CPED1: variants seen among roughly 807,000 people sequenced by gnomAD.
CPED1 encodes cadherin like and PC-esterase domain containing 1, also known as cadherin-like and PC-esterase domain-containing protein 1.
Under a neutral mutation model 128.2 loss-of-function variants are expected in CPED1, and 114 were observed. The ratio of observed to expected loss-of-function variants is 0.89; its 90% confidence interval spans 0.76 to 1.04. The LOEUF is 1.04. Ranked by LOEUF, CPED1 falls within the 50% of genes least tolerant of loss-of-function variation. The pLI, the probability that CPED1 is intolerant of heterozygous loss-of-function variation, is 0.00. For synonymous variants in CPED1, 462 were observed against 426.7 expected (o/e 1.08, Z -1.02); for missense variants, 1,211 against 1,207.1 (o/e 1.00, Z -0.05).
At chr7:121,178,405 T>G (rs926675869) in intron 16 of CPED1, among the ~76,000 whole-genome samples, 5 of 152,038 alleles carry the variant, frequency 3.3e-5, no homozygotes, top group Non-Finnish European at 5.9e-5. Context: ...GTTGTTGTTC[T>G]TGTTGTTGTT....
At chr7:121,208,029 C>T (rs555889059) in intron 16 of CPED1, among the ~76,000 whole-genome samples, 5 of 152,094 alleles carry the variant, frequency 3.3e-5, no homozygotes, top group African/African-American at 9.6e-5. Context: ...AACTCACTTT[C>T]CTACCTCTAG....
At chr7:121,206,437 G>A (rs1040876057) in intron 16 of CPED1, among the ~76,000 whole-genome samples, 7 of 131,198 alleles carry the variant, frequency 5.3e-5, no homozygotes, top group Non-Finnish European at 1.2e-4. Context: ...AACTTTTAAA[G>A]CACATTTCTA....
chr7:121,256,265 C>CA (rs1403092113), intron 18 of CPED1, among the ~76,000 whole-genome samples: 2 of 151,912 alleles, frequency 1.3e-5, no homozygotes, highest in Admixed American at 6.6e-5. Flanking sequence ...ATAGAAAACT[C>CA]AGAGATAAAG....
intron 5 of CPED1, among the ~76,000 whole-genome samples, chr7:121,073,454 C>A (rs947453562): frequency 1.3e-5 from 2 of 152,132 alleles, no homozygotes; most frequent in Admixed American, 1.3e-4. Context: ...ATCATAATTT[C>A]TGTCTGACTT....
intron 16 of CPED1, among the ~76,000 whole-genome samples, chr7:121,204,484 GACTT>G (rs1488714502): frequency 1.3e-5 from 2 of 152,118 alleles, no homozygotes; most frequent in Non-Finnish European, 2.9e-5. Flanking sequence ...CCATATGTCA[GACTT>G]TGTTCCTATG....
chr7:121,274,996 G>GA (rs907398319), intron 22 of CPED1, among the ~76,000 whole-genome samples: 1 of 152,028 alleles, frequency 6.6e-6, no homozygotes, highest in African/African-American at 2.4e-5. Flanking sequence ...AGCAAGAGTT[G>GA]AAAAAATTGT....
rs866672241 is a variant in CPED1 at position 121,295,610 on chromosome 7, A to T, written c.3039A>T (p.Glu1013Asp). The change falls in exon 23 of 23, where the codon GAA (glutamate) becomes GAT (aspartate). Residue 1013 changes from glutamate to aspartate, a missense_variant. By Grantham distance (45) the Glu-to-Asp change is conservative (BLOSUM62 2). Coordinates refer to ENST00000310396, the MANE Select transcript of CPED1 (RefSeq NM_024913.5). ...VRGPINQVCS[E>D]ILLSRMCANK... is the part of the protein sequence containing the mutation. ...GTCCAATAAATCAGGTTTGTTCTGA[A>T]ATCCTTCTCAGCAGGATGTGTGCAA... The T allele has an allele frequency of 1.9e-6, 3 of 1,614,076 alleles. No individual in the cohort carries two copies. The Middle Eastern group carries it at 5.0e-4, about 266-fold the overall frequency.
At chr7:120,993,156 C>G (rs1325837482) in intron 2 of CPED1, among the ~76,000 whole-genome samples, 2 of 152,186 alleles carry the variant, frequency 1.3e-5, no homozygotes, top group Non-Finnish European at 2.9e-5. Context: ...AATATATAAA[C>G]ACAGATGTGT....
At position 121,138,787 on chromosome 7, in the gene CPED1, C is replaced by A. The variant is rs148570489; in HGVS notation, c.1700-2040C>A. Reference sequence around the variant, plus strand: ...TCTGAGCAGAAAAGTGCGACTGTTTCTATTCCCTTTGTGCCTGGGTAATGG... The same window carrying A: ...TCTGAGCAGAAAAGTGCGACTGTTTATATTCCCTTTGTGCCTGGGTAATGG... On this transcript the variant is annotated intron_variant, in intron 14 of 22. Coordinates refer to ENST00000310396, the MANE Select transcript of CPED1 (RefSeq NM_024913.5). 6.7e-3 allele frequency among the ~76,000 whole-genome samples: 1,016 copies of A among 152,156 alleles called. 10 individuals carry two copies. The highest frequency in any genetic ancestry group is 0.023 in the African/African-American group (943 of 41,538).
intron 5 of CPED1, among the ~76,000 whole-genome samples, chr7:121,069,876 C>T (rs1793944730): frequency 6.6e-6 from 1 of 152,040 alleles, no homozygotes; most frequent in Non-Finnish European, 1.5e-5. Flanking sequence ...TACAGCATCG[C>T]CATCTAAAAA....
At chr7:121,093,516 C>T (rs1185678146) in intron 5 of CPED1, among the ~76,000 whole-genome samples, 1 of 151,876 alleles carries the variant, frequency 6.6e-6, no homozygotes, top group Non-Finnish European at 1.5e-5. Context: ...AGAGTTTGTG[C>T]TGAATATTCT....
chr7:121,228,103 T>C (rs1448264244), intron 16 of CPED1, among the ~76,000 whole-genome samples: 1 of 152,076 alleles, frequency 6.6e-6, no homozygotes. Context: ...AAATAATTTA[T>C]GATTAAGACT....
At chr7:121,261,629 CA>C in intron 18 of CPED1, 1 of 1,609,880 alleles carries the variant, frequency 6.2e-7, no homozygotes. Context: ...TTCCTTCCTT[CA>C]GTTGGGTGTC....
At chr7:121,083,882 A>G (rs1794354672) in intron 5 of CPED1, 1 of 152,234 alleles carries the variant, frequency 6.6e-6, no homozygotes. Context: ...AGGGTTGCTA[A>G]GAGGACAGAA....
At chr7:121,002,138 A>T (rs1260905821) in intron 2 of CPED1, among the ~76,000 whole-genome samples, 3 of 152,182 alleles carry the variant, frequency 2.0e-5, no homozygotes, top group Non-Finnish European at 2.9e-5. Context: ...GTGCTGCTAC[A>T]ATTGAGTTTC....
chr7:121,125,335 C>T (rs1401274985), intron 8 of CPED1, among the ~76,000 whole-genome samples: 1 of 152,064 alleles, frequency 6.6e-6, no homozygotes. Context: ...GATATATGTG[C>T]AGAATGTACA....
intron 22 of CPED1, 39 bp from the exon 23 acceptor site, chr7:121,295,401 T>C: frequency 6.3e-7 from 1 of 1,575,040 alleles, no homozygotes; most frequent in Non-Finnish European, 8.6e-7. Flanking sequence ...TTGGATATTC[T>C]TGATTTTGCC....
intron 3 of CPED1, among the ~76,000 whole-genome samples, chr7:121,036,510 T>TA (rs1554425228): frequency 1.1e-4 from 16 of 139,488 alleles, no homozygotes; most frequent in Non-Finnish European, 2.0e-4. Flanking sequence ...TATATATATT[T>TA]TTTTTTTCTT....
chr7:121,059,276 T>A (rs753661755), intron 4 of CPED1, among the ~76,000 whole-genome samples: 1 of 152,176 alleles, frequency 6.6e-6, no homozygotes, highest in Non-Finnish European at 1.5e-5. Flanking sequence ...TTTTAAAGCA[T>A]CCCAGGGAAT....
Sources: allele counts gnomAD v4.1 joint callset (sites outside exome capture counted in the v4.1 genomes callset), GRCh38; gene constraint gnomAD v4.1.1; transcripts MANE v1.5; gene names NCBI Gene and HGNC (gene_info 2026-07-23, HGNC 2026-07-21).